The following CREG2 variants were observed in gnomAD, a reference collection of about 807,000 sequenced individuals.
CREG2 encodes cellular repressor of E1A stimulated genes 2.
In CREG2, 24 loss-of-function variants were observed where a neutral mutation model predicts 26.2. That is an observed-to-expected ratio of 0.92 (90% CI 0.66 to 1.29). CREG2 has a LOEUF of 1.29. Ranked by LOEUF, CREG2 falls within the 50% of genes most tolerant of loss-of-function variation. CREG2 has a pLI of 0.00. For missense variants in CREG2, 366 were observed against 398.6 expected (o/e 0.92, Z 0.70); for synonymous variants, 174 against 169.2 (o/e 1.03, Z -0.22).
Position 101,350,903 on chromosome 2 carries a change from AG to A in CREG2, c.*19del, listed in dbSNP as rs1684371734. On this transcript the variant is annotated 3_prime_UTR_variant, in exon 4 of 4. Coordinates refer to ENST00000324768, the MANE Select transcript of CREG2 (RefSeq NM_153836.4). ...GGTTTTCATTTAAGTGCAAACACCA[AG>A]GACTTTCTTCTCACTCCATCAGGCC... 6.2e-7 allele frequency: 1 copy of A among 1,613,122 alleles called. No individual in the cohort carries two copies. Among genetic ancestry groups the A allele is most frequent in the African/African-American group, 1.3e-5 (1 of 74,882 alleles).
At chr2:101,356,570 G>T (rs975198836) in intron 2 of CREG2, among the ~76,000 whole-genome samples, 1 of 151,908 alleles carries the variant, frequency 6.6e-6, no homozygotes, top group African/African-American at 2.4e-5. Context: ...TTTAACTGCA[G>T]AAACAAAACA....
intron 2 of CREG2, among the ~76,000 whole-genome samples, chr2:101,372,451 C>T (rs895218068): frequency 2.0e-5 from 3 of 152,152 alleles, no homozygotes; most frequent in Non-Finnish European, 2.9e-5. Flanking sequence ...AACAGCTTTC[C>T]CTCCCAAATT....
chr2:101,370,712 C>T (rs1379406336), intron 2 of CREG2, among the ~76,000 whole-genome samples: 1 of 152,148 alleles, frequency 6.6e-6, no homozygotes, highest in Non-Finnish European at 1.5e-5. Context: ...CTCCTGGGCT[C>T]AGGCTGCTCC....
chr2:101,354,260 AAAAAAT>A (rs549690595), intron 3 of CREG2, among the ~76,000 whole-genome samples: 155 of 152,326 alleles, frequency 1.0e-3, no homozygotes, highest in Middle Eastern at 3.4e-3. Context: ...AGCTAGCAAT[AAAAAAT>A]AAAAATAAAA....
At chr2:101,383,061 G>T in intron 2 of CREG2, 1 of 875,930 alleles carries the variant, frequency 1.1e-6, no homozygotes, top group Non-Finnish European at 1.4e-6. Context: ...AAAAATGCTG[G>T]CTCCTTATTG....
intron 3 of CREG2, among the ~76,000 whole-genome samples, chr2:101,351,345 G>T (rs1043792683): frequency 6.6e-6 from 1 of 152,160 alleles, no homozygotes; most frequent in Non-Finnish European, 1.5e-5. Context: ...TGACGCCAGT[G>T]GGCTGTTGGC....
At chr2:101,381,578 A>T (rs1179861441) in intron 2 of CREG2, among the ~76,000 whole-genome samples, 5 of 152,210 alleles carry the variant, frequency 3.3e-5, no homozygotes, top group Non-Finnish European at 7.3e-5. Flanking sequence ...GTAGGCATTT[A>T]TTTACATCAT....
chr2:101,387,482 C>A lies in CREG2; in HGVS notation c.-25G>T. On this transcript the variant is annotated 5_prime_UTR_variant, in exon 1 of 4. Transcript: ENST00000324768. The surrounding 1 kb of genome is among the most constrained non-coding windows in gnomAD (Gnocchi z 4.7). ...TCTTGCAGGCAGCACGCCCGGCCGCCGGGGCCGCCAGCAGCGCTAGTGCCG... is the reference window on the plus strand; with the variant it reads ...TCTTGCAGGCAGCACGCCCGGCCGCAGGGGCCGCCAGCAGCGCTAGTGCCG... 1 of 936,586 alleles carries A rather than the reference C, an allele frequency of 1.1e-6. No individual in the cohort carries two copies. Among genetic ancestry groups the A allele is most frequent in the Non-Finnish European group, 1.4e-6 (1 of 727,512 alleles). 58.0% of individuals were successfully genotyped at this position (936,586 alleles called of 1,614,324 possible). A position where few individuals can be genotyped will look rare whatever the true frequency, so the allele number is the denominator to read the frequency against.
In CREG2 at chr2:101,376,104, C is replaced by A. The variant is rs150985970; in HGVS notation, c.611+7429G>T. On this transcript the variant is annotated intron_variant, in intron 2 of 3. Transcript: ENST00000324768. ...AAACCCATGCATACATTTATGTAGTCGGGAGACACCTGTCCATGCTTATGT... is the reference window on the plus strand; with the variant it reads ...AAACCCATGCATACATTTATGTAGTAGGGAGACACCTGTCCATGCTTATGT... 40 of 166,900 alleles carry A rather than the reference C, an allele frequency of 2.4e-4. 1 individual carries two copies. In the East Asian group the frequency reaches 6.2e-3, roughly 26 times the overall value. 10.3% of individuals were successfully genotyped at this position (166,900 alleles called of 1,614,324 possible).
chr2:101,354,308 A>T (rs1034415349), intron 3 of CREG2, among the ~76,000 whole-genome samples: 4 of 152,202 alleles, frequency 2.6e-5, no homozygotes, highest in African/African-American at 9.7e-5. Context: ...ACACACACGC[A>T]CACTGACATC....
At chr2:101,362,512 G>C (rs914859460) in intron 2 of CREG2, among the ~76,000 whole-genome samples, 3 of 152,164 alleles carry the variant, frequency 2.0e-5, no homozygotes, top group Admixed American at 2.0e-4. Context: ...CTTAGATGTG[G>C]TGGAGGCGTG....
intron 2 of CREG2, among the ~76,000 whole-genome samples, chr2:101,376,550 G>A (rs567631984): frequency 2.0e-5 from 3 of 152,256 alleles, no homozygotes; most frequent in Non-Finnish European, 4.4e-5. Context: ...AAATTGTTGG[G>A]ATTACAGGCA....
At chr2:101,351,113 G>A (rs1684375390) in intron 3 of CREG2, 43 bp from the exon 4 acceptor site, 3 of 1,599,820 alleles carry the variant, frequency 1.9e-6, no homozygotes, top group East Asian at 2.2e-5. Context: ...GCTCTTATCA[G>A]AGAGGTGCAC....
chr2:101,359,082 G>A (rs1437606699), intron 2 of CREG2, among the ~76,000 whole-genome samples: 3 of 143,286 alleles, frequency 2.1e-5, no homozygotes, highest in African/African-American at 8.1e-5. Context: ...AGAGAGAACT[G>A]AGGCAAGTTT....
At chr2:101,369,414 C>T (rs1185416781) in intron 2 of CREG2, among the ~76,000 whole-genome samples, 5 of 152,090 alleles carry the variant, frequency 3.3e-5, no homozygotes, top group African/African-American at 7.2e-5. Context: ...GGAGAAGAAG[C>T]GGGGTTCGAG....
intron 1 of CREG2, among the ~76,000 whole-genome samples, chr2:101,385,596 G>A (rs114045037): frequency 6.6e-6 from 1 of 152,174 alleles, no homozygotes; most frequent in Admixed American, 6.6e-5. Flanking sequence ...GAATTCAGGG[G>A]TTGTCTTTGT....
chr2:101,386,570 C>T (rs887292589), intron 1 of CREG2, among the ~76,000 whole-genome samples: 1 of 152,228 alleles, frequency 6.6e-6, no homozygotes, highest in Non-Finnish European at 1.5e-5. Flanking sequence ...CGTGCTCTCT[C>T]TCTCCCCATC....
chr2:101,382,947 T>A, intron 2 of CREG2: 2 of 985,792 alleles, frequency 2.0e-6, no homozygotes, highest in Non-Finnish European at 2.4e-6. Context: ...GAGTTCAGGC[T>A]TTGCATTTTG....
rs1371116106 is a variant in CREG2 at position 101,346,976 on chromosome 2, A to C, written c.*3947T>G. On this transcript the variant is annotated 3_prime_UTR_variant, in exon 4 of 4. Coordinates refer to ENST00000324768, the MANE Select transcript of CREG2 (RefSeq NM_153836.4). ...TGCTATCCTTTTATAGTTATGCCCA[A>C]CTCTCTTGTTCTCCCCACTCCTCCC... The C allele has an allele frequency of 1.3e-5, 2 of 152,066 alleles. No homozygotes were observed. The highest frequency in any genetic ancestry group is 4.8e-5 in the African/African-American group (2 of 41,398). 9.4% of individuals were successfully genotyped at this position (152,066 alleles called of 1,614,324 possible).
Sources: gnomAD v4.1 joint callset for allele counts (sites outside exome capture counted in the v4.1 genomes callset) on GRCh38, gnomAD v4.1.1 for gene constraint, Gnocchi (gnomAD v3.1) non-coding constraint, MANE v1.5 for transcripts, NCBI Gene and HGNC (gene_info 2026-07-23, HGNC 2026-07-21) for gene names.